Variants in RTN4RL1 observed in about 807,000 individuals in gnomAD.
RTN4RL1 encodes the protein reticulon-4 receptor-like 1.
In RTN4RL1, 7 loss-of-function variants were observed where a neutral mutation model predicts 25.6. The ratio of observed to expected loss-of-function variants is 0.27; its 90% CI spans 0.16 to 0.51. The LOEUF (loss-of-function observed/expected upper bound fraction) is 0.51, where lower values mean the gene tolerates loss of function less well. Among genes scored for constraint, RTN4RL1 ranks in the 20% least tolerant of loss-of-function variants. The probability of loss-of-function intolerance (pLI) is 0.97; values close to 1 mark genes in which losing one functional copy is unlikely to be tolerated. For synonymous variants in RTN4RL1, 297 were observed against 288.2 expected, an observed-to-expected ratio of 1.03 and a Z score of -0.31; for missense variants, 500 against 615.6, an observed-to-expected ratio of 0.81 and a Z score of 1.99.
intron 1 of RTN4RL1, among the ~76,000 whole-genome samples, chr17:1,970,280 CAA>C (rs2066812802): frequency 6.6e-6 from 1 of 152,138 alleles, no homozygotes; most frequent in African/African-American, 2.4e-5. Context: ...GTCAGCCTCC[CAA>C]AGTGCTGGTA....
At chr17:2,019,196 C>T (rs1439898551) in intron 1 of RTN4RL1, 1 of 152,252 alleles carries the variant, frequency 6.6e-6, no homozygotes, top group Non-Finnish European at 1.5e-5. Context: ...GAGGTCCGGC[C>T]ACTGCACCCC....
Position 1,936,984 on chromosome 17 carries a change from C to T in RTN4RL1, c.838G>A (p.Val280Ile). 1 of 1,605,796 alleles carries T rather than the reference C, an allele frequency of 6.2e-7. No individual in the cohort carries two copies. The highest frequency in any genetic ancestry group is 1.1e-5 in the South Asian group (1 of 90,390). ...LQRFRGSSSA[V>I]PCVSPGLRHG... ...CGCAGCCCAGGGGACACACAGGGGA[C>T]AGCGGAGCTGGAGCCCCGGAACCTC... The change falls in exon 2 of 2, where the codon GTC (valine) becomes ATC (isoleucine). Residue 280 changes from valine to isoleucine, a missense_variant. Transcript: ENST00000331238.
chr17:1,953,809 C>T (rs1915733641), intron 1 of RTN4RL1, among the ~76,000 whole-genome samples: 1 of 152,210 alleles, frequency 6.6e-6, no homozygotes, highest in East Asian at 1.9e-4. Context: ...AAGTGACCCA[C>T]CCGCCTTGGC....
chr17:1,988,391 A>C (rs2066895566), intron 1 of RTN4RL1, among the ~76,000 whole-genome samples: 2 of 143,594 alleles, frequency 1.4e-5, no homozygotes, highest in African/African-American at 5.2e-5. Context: ...GTGACAGAGC[A>C]AGACTCCGCC....
Position 1,937,662 on chromosome 17 carries a change from C to T in RTN4RL1, c.160G>A (p.Val54Met), listed in dbSNP as rs764072507. 74 of 1,613,666 alleles carry T rather than the reference C, an allele frequency of 4.6e-5. No individual in the cohort carries two copies. The highest frequency in any genetic ancestry group is 5.4e-5 in the Non-Finnish European group (64 of 1,179,828). Residue 54 changes from valine to methionine, a missense_variant, in exon 2 of 2, where the codon GTG becomes ATG. Physicochemically the swap from Val to Met is conservative, Grantham distance 21. Coordinates refer to ENST00000331238, the MANE Select transcript of RTN4RL1 (RefSeq NM_178568.4). The stretch of plus-strand genomic sequence containing the variant: ...TGCAGGAAGACGCGCTCGCTGTCCA[C>T]GGGGATGCCCTCCGGGATGGCTGCA... ...NFAAIPEGIP[V>M]DSERVFLQNN... is the part of the protein sequence containing the mutation.
chr17:1,969,632 T>C (rs1427040883), intron 1 of RTN4RL1, among the ~76,000 whole-genome samples: 1 of 152,208 alleles, frequency 6.6e-6, no homozygotes, highest in Non-Finnish European at 1.5e-5. Context: ...CCCACTCCTC[T>C]GCCTGCCTGG....
rs2066922597 is a variant in RTN4RL1 at position 1,994,793 on chromosome 17, C to T, written c.13+30060G>A. Among the ~76,000 whole-genome samples the T allele has an allele frequency of 6.6e-6, 1 of 152,060 alleles. No individual in the cohort carries two copies. The highest frequency in any genetic ancestry group is 1.5e-5 in the Non-Finnish European group (1 of 68,008). ...GGGGGAAAGGTGGTTAAAAAGGAGGCTTATAAAGATTAAATGACGGCCAGG... is the reference window on the plus strand; with the variant it reads ...GGGGGAAAGGTGGTTAAAAAGGAGGTTTATAAAGATTAAATGACGGCCAGG... On this transcript the variant is annotated intron_variant, in intron 1 of 1. Transcript: ENST00000331238. The surrounding 1 kb of genome is among the most constrained non-coding windows in gnomAD (Gnocchi z 4.3).
chr17:2,004,512 C>T lies in RTN4RL1; in HGVS notation c.13+20341G>A, dbSNP rs2066980785. ...TGTTTCAGAGACAAGGAAGAAGTGG[C>T]CGCCTGGAGTTCAAGGCTGTGGACT... On this transcript the variant is annotated intron_variant, in intron 1 of 1. Transcript: ENST00000331238. Among the ~76,000 whole-genome samples, 3 of 152,096 alleles carry T rather than the reference C, an allele frequency of 2.0e-5. No individual in the cohort carries two copies. In the East Asian group the frequency reaches 5.8e-4, roughly 29 times the overall value.
Position 1,935,462 on chromosome 17 carries a change from A to C in RTN4RL1, c.*1034T>G, listed in dbSNP as rs73288330. 1.3e-6 allele frequency: 1 copy of C among 746,044 alleles called. No individual in the cohort carries two copies. Among genetic ancestry groups the C allele is most frequent in the Non-Finnish European group, 1.6e-6 (1 of 611,174 alleles). 46.2% of individuals were successfully genotyped at this position (746,044 alleles called of 1,614,324 possible). A position where few individuals can be genotyped will look rare whatever the true frequency, so the allele number is the denominator to read the frequency against. ...AATATCTAAGAATATTGGTCCCCCA[A>C]AGTGACTCTTGCTGCCTCCCCCTTC... On this transcript the variant is annotated 3_prime_UTR_variant, in exon 2 of 2. Transcript: ENST00000331238.
intron 1 of RTN4RL1, among the ~76,000 whole-genome samples, chr17:1,981,568 G>C (rs1415086981): frequency 1.3e-5 from 2 of 152,140 alleles, no homozygotes; most frequent in Admixed American, 6.5e-5. Context: ...ATGCCCTGTG[G>C]CTGCCTCGTG....
At position 1,936,073 on chromosome 17, in the gene RTN4RL1, A is replaced by G; in HGVS notation, c.*423T>C. ...TGCTGGCCACCCAGCCTCGTGGGTG[A>G]GCCTCATTTGTTCTTCTCTGCGTCC... is the stretch of plus-strand genomic sequence containing the variant. On this transcript the variant is annotated 3_prime_UTR_variant, in exon 2 of 2. Coordinates refer to ENST00000331238, the MANE Select transcript of RTN4RL1 (RefSeq NM_178568.4). The G allele has an allele frequency of 1.0e-6, 1 of 998,876 alleles. No individual in the cohort carries two copies. Among genetic ancestry groups the G allele is most frequent in the Non-Finnish European group, 1.2e-6 (1 of 838,774 alleles). The allele number at this position is 998,876 out of a possible 1,614,324, so 61.9% of individuals were successfully genotyped here. A position where few individuals can be genotyped will look rare whatever the true frequency, so the allele number is the denominator to read the frequency against.
intron 1 of RTN4RL1, among the ~76,000 whole-genome samples, chr17:1,991,242 G>A (rs764197795): frequency 5.9e-5 from 9 of 151,976 alleles, no homozygotes; most frequent in Non-Finnish European, 1.0e-4. Flanking sequence ...TGTAAGAGGC[G>A]GTAATGGATG....
chr17:1,936,113 A>C lies in RTN4RL1; in HGVS notation c.*383T>G. On this transcript the variant is annotated 3_prime_UTR_variant, in exon 2 of 2. Coordinates refer to ENST00000331238, the MANE Select transcript of RTN4RL1 (RefSeq NM_178568.4). Reference sequence around the variant, plus strand: ...TCTCTGCGTCCTGCTTTCTCCAGGAACCACGGGGCCCTCCAGACCTCTCGG... The same window carrying C: ...TCTCTGCGTCCTGCTTTCTCCAGGACCCACGGGGCCCTCCAGACCTCTCGG... 9.7e-7 allele frequency: 1 copy of C among 1,030,602 alleles called. No individual in the cohort carries two copies. Among genetic ancestry groups the C allele is most frequent in the East Asian group, 8.7e-5 (1 of 11,456 alleles). 63.8% of individuals were successfully genotyped at this position (1,030,602 alleles called of 1,614,324 possible).
intron 1 of RTN4RL1, among the ~76,000 whole-genome samples, chr17:2,021,424 T>C (rs1051194650): frequency 1.3e-5 from 2 of 152,132 alleles, no homozygotes; most frequent in Non-Finnish European, 2.9e-5. Flanking sequence ...CTACCCTTTC[T>C]TCATCTTTCA....
chr17:1,956,529 C>T (rs1915797784), intron 1 of RTN4RL1, among the ~76,000 whole-genome samples: 1 of 152,066 alleles, frequency 6.6e-6, no homozygotes, highest in Non-Finnish European at 1.5e-5. Flanking sequence ...AAGAGGGATG[C>T]GGTAACAGGC....
chr17:1,967,930 CG>C (rs1258960262), intron 1 of RTN4RL1, among the ~76,000 whole-genome samples: 1 of 152,188 alleles, frequency 6.6e-6, no homozygotes, highest in African/African-American at 2.4e-5. Flanking sequence ...CGTGAGCCAT[CG>C]GGCCCGGCCT....
intron 1 of RTN4RL1, among the ~76,000 whole-genome samples, chr17:1,939,396 T>TAAATAAAAC (rs1555601799): frequency 4.8e-4 from 69 of 144,702 alleles, no homozygotes; most frequent in African/African-American, 6.6e-4. Context: ...ATAAATAAAA[T>TAAATAAAAC]ACAGACAATA....
rs1186092793 is a variant in RTN4RL1, at chr17:1,998,568, C to G, written c.13+26285G>C. 6.6e-6 allele frequency among the ~76,000 whole-genome samples: 1 copy of G among 152,138 alleles called. No homozygotes were observed. Among genetic ancestry groups the G allele is most frequent in the Non-Finnish European group, 1.5e-5 (1 of 68,008 alleles). On this transcript the variant is annotated intron_variant, in intron 1 of 1. Transcript: ENST00000331238. This position sits in a 1 kb window ranked among gnomAD's most constrained non-coding sequence, Gnocchi z 4.9. ...GCCGGATCCCCGGCGGCTTTCCTGC[C>G]CCCACTTTACAGACGTGAACGCTGA...
At chr17:1,943,001 G>A (rs548820001) in intron 1 of RTN4RL1, among the ~76,000 whole-genome samples, 8 of 152,330 alleles carry the variant, frequency 5.3e-5, no homozygotes, top group Non-Finnish European at 1.0e-4. Flanking sequence ...GATGGCCAGA[G>A]ATGTCCCCAG....
Sources: gnomAD v4.1 joint callset for allele counts (sites outside exome capture counted in the v4.1 genomes callset) on GRCh38, gnomAD v4.1.1 for gene constraint, Gnocchi (gnomAD v3.1) non-coding constraint, MANE v1.5 for transcripts, NCBI Gene and HGNC (gene_info 2026-07-23, HGNC 2026-07-21) for gene names.